The following NOL4L variants were observed in gnomAD, a reference collection of about 807,000 sequenced individuals.
The protein encoded by NOL4L is nucleolar protein 4-like.
In NOL4L, 7 loss-of-function variants were observed where a neutral mutation model predicts 64.5. That is an observed-to-expected ratio of 0.11 (90% CI 0.06 to 0.20). NOL4L has a LOEUF of 0.20. Ranked by LOEUF, NOL4L falls within the 10% of genes least tolerant of loss-of-function variation. The pLI, the probability that NOL4L is intolerant of heterozygous loss-of-function variation, is 1.00. For synonymous variants in NOL4L, 413 were observed against 401.0 expected (o/e 1.03, Z -0.36); for missense variants, 680 against 967.1 (o/e 0.70, Z 3.94).
At chr20:32,467,582 G>A (rs919659052) in intron 5 of NOL4L, among the ~76,000 whole-genome samples, 2 of 152,198 alleles carry the variant, frequency 1.3e-5, no homozygotes, top group Admixed American at 1.3e-4. Flanking sequence ...GAGGAGGCAA[G>A]ACTGGACCAA....
At chr20:32,531,886 C>T (rs1272860645) in intron 1 of NOL4L, among the ~76,000 whole-genome samples, 1 of 152,060 alleles carries the variant, frequency 6.6e-6, no homozygotes, top group African/African-American at 2.4e-5. Flanking sequence ...AAAATGTGTC[C>T]CCCTCAGTAA....
At chr20:32,564,407 G>T (rs1238109233) in intron 1 of NOL4L, among the ~76,000 whole-genome samples, 1 of 152,216 alleles carries the variant, frequency 6.6e-6, no homozygotes, top group Non-Finnish European at 1.5e-5. Flanking sequence ...GAAAACTGAG[G>T]TACAGGGATG....
At chr20:32,477,781 G>A (rs1197776295) in intron 4 of NOL4L, among the ~76,000 whole-genome samples, 1 of 152,170 alleles carries the variant, frequency 6.6e-6, no homozygotes, top group African/African-American at 2.4e-5. Context: ...GGGTTTCTCT[G>A]GCTCACATCA....
chr20:32,584,422 A>G (rs1297012069), intron 1 of NOL4L, 148 bp downstream of exon 1: 3 of 569,408 alleles, frequency 5.3e-6, no homozygotes, highest in Non-Finnish European at 7.8e-6. Context: ...GCCGGTGAGC[A>G]GGGACGCGTG....
chr20:32,503,764 G>A (rs1362212466), intron 4 of NOL4L, among the ~76,000 whole-genome samples: 1 of 152,178 alleles, frequency 6.6e-6, no homozygotes, highest in African/African-American at 2.4e-5. Context: ...CTCCCCAATG[G>A]CAGACCTCCA....
chr20:32,470,191 C>T (rs889344089), intron 5 of NOL4L, among the ~76,000 whole-genome samples: 5 of 152,264 alleles, frequency 3.3e-5, no homozygotes, highest in Non-Finnish European at 7.3e-5. Context: ...TCCCTGCCCC[C>T]ACGCATCCCT....
intron 1 of NOL4L, among the ~76,000 whole-genome samples, chr20:32,565,199 G>A (rs529746631): frequency 1.4e-5 from 2 of 143,082 alleles, no homozygotes; most frequent in Non-Finnish European, 3.1e-5. Context: ...TGGAGACCCC[G>A]CCCTCCCAGC....
At chr20:32,451,866 T>TTGTTGAA (rs2012943859) in intron 10 of NOL4L, among the ~76,000 whole-genome samples, 1 of 151,962 alleles carries the variant, frequency 6.6e-6, no homozygotes. Flanking sequence ...GCTGCGGAGA[T>TTGTTGAA]TCAACTCAGG....
chr20:32,517,940 T>G (rs1182564805), intron 3 of NOL4L, among the ~76,000 whole-genome samples: 2 of 152,182 alleles, frequency 1.3e-5, no homozygotes, highest in Admixed American at 1.3e-4. Flanking sequence ...CCTCAACACC[T>G]CTCTGTGCCT....
At chr20:32,468,900 C>CAAAAAAAAAAAAAAAAAA (rs555969764) in intron 5 of NOL4L, among the ~76,000 whole-genome samples, 1 of 95,302 alleles carries the variant, frequency 1.0e-5, no homozygotes, top group African/African-American at 3.7e-5. Context: ...GACTCCATCT[C>CAAAAAAAAAAAAAAAAAA]AAAAAAAAAA....
chr20:32,459,125 G>A (rs919475668), intron 5 of NOL4L, among the ~76,000 whole-genome samples: 2 of 152,320 alleles, frequency 1.3e-5, no homozygotes, highest in Admixed American at 6.5e-5. Context: ...GGTAAGACCC[G>A]TAAGGCACCA....
intron 1 of NOL4L, among the ~76,000 whole-genome samples, chr20:32,581,378 C>T (rs999731203): frequency 6.6e-6 from 1 of 152,212 alleles, no homozygotes; most frequent in African/African-American, 2.4e-5. Context: ...GTCACACACA[C>T]CCAGAAAAGC....
intron 1 of NOL4L, chr20:32,533,299 G>T (rs1311336989): frequency 6.6e-6 from 1 of 152,158 alleles, no homozygotes; most frequent in Non-Finnish European, 1.5e-5. Context: ...TACAGCAATG[G>T]TCCTTAGACC....
chr20:32,447,863 G>A (rs1417914412), intron 10 of NOL4L, 47 bp from the exon 11 acceptor site: 2 of 1,514,148 alleles, frequency 1.3e-6, no homozygotes, highest in Admixed American at 2.2e-5. Flanking sequence ...ACCCTGCCTG[G>A]CATCTGGGAG....
intron 1 of NOL4L, among the ~76,000 whole-genome samples, chr20:32,583,912 CG>C (rs1336121272): frequency 6.7e-6 from 1 of 149,392 alleles, no homozygotes; most frequent in African/African-American, 2.5e-5. Context: ...ACGAGGGGCC[CG>C]GGGGGCTGAG....
At chr20:32,580,262 T>C (rs972420299) in intron 1 of NOL4L, among the ~76,000 whole-genome samples, 2 of 152,096 alleles carry the variant, frequency 1.3e-5, no homozygotes, top group East Asian at 3.9e-4. Context: ...AGCTGATGCG[T>C]ATCAGCGCCT....
chr20:32,474,594 C>T lies in NOL4L; in HGVS notation c.841+7G>A, dbSNP rs777428798. The T allele has an allele frequency of 1.9e-6, 3 of 1,606,434 alleles. No homozygotes were observed. Among genetic ancestry groups the T allele is most frequent in the East Asian group, 2.2e-5 (1 of 44,758 alleles). ...CCCCTCCTCAACTGCCACCAAGGGG[C>T]ACTCACCGTCCTCTTGACTGTGGAG... On this transcript the variant is annotated splice_region_variant and intron_variant, in intron 5 of 10. Coordinates refer to ENST00000621426, the MANE Select transcript of NOL4L (RefSeq NM_001256798.2).
intron 1 of NOL4L, among the ~76,000 whole-genome samples, chr20:32,545,836 G>T (rs2018724544): frequency 6.6e-6 from 1 of 151,886 alleles, no homozygotes; most frequent in East Asian, 1.9e-4. Flanking sequence ...CTGTAAGAAG[G>T]GCGGGCTAGA....
intron 5 of NOL4L, among the ~76,000 whole-genome samples, chr20:32,468,860 T>G (rs1420494641): frequency 6.9e-6 from 1 of 145,590 alleles, no homozygotes; most frequent in Admixed American, 6.9e-5. Flanking sequence ...GATTACACCA[T>G]TTTGCACTCC....
Sources: allele counts gnomAD v4.1 joint callset (sites outside exome capture counted in the v4.1 genomes callset), GRCh38; gene constraint gnomAD v4.1.1; transcripts MANE v1.5; gene names NCBI Gene and HGNC (gene_info 2026-07-23, HGNC 2026-07-21).